The following ZNF536 variants were observed in gnomAD, a reference collection of about 807,000 sequenced individuals.
The protein encoded by ZNF536 is zinc finger protein 536.
ZNF536 carries 13 observed loss-of-function variants against 84.5 expected under a neutral mutation model. That is an observed-to-expected ratio of 0.15 (90% CI 0.10 to 0.24). ZNF536 has a LOEUF of 0.24. ZNF536 is among the 10% of genes least tolerant of loss of function. The pLI is 1.00. For missense variants in ZNF536, 1,536 were observed against 1,747.5 expected (o/e 0.88, Z 2.16); for synonymous variants, 811 against 742.5 (o/e 1.09, Z -1.50).
In ZNF536 at chr19:30,444,687, C is replaced by T. The variant is rs534735196; in HGVS notation, c.1125C>T (p.Cys375=). ...ACAAAGACTCCTTTGAGCACTGCTG[C>T]CAGATCTGCGGCCGGCGCTTCAAGG... is the stretch of plus-strand genomic sequence containing the variant. ...RKHKDSFEHC[C]QICGRRFKEP... is the part of the protein sequence containing the mutation. The change falls in exon 2 of 5, where the codon TGC becomes TGT. Residue 375 remains cysteine, a synonymous_variant. Transcript: ENST00000355537. 2 of 1,613,954 alleles carry T rather than the reference C, an allele frequency of 1.2e-6. No individual in the cohort carries two copies. Among genetic ancestry groups the T allele is most frequent in the African/African-American group, 1.3e-5 (1 of 75,080 alleles).
At chr19:30,300,780 C>T (rs976217415) in intron 2 of ZNF536, 7 of 152,302 alleles carry the variant, frequency 4.6e-5, no homozygotes, top group Admixed American at 6.5e-5. Flanking sequence ...CCCAGGTACC[C>T]GGCAGGATGA....
intron 1 of ZNF536, chr19:30,668,771 CG>C (rs2050429646): frequency 6.6e-6 from 1 of 152,268 alleles, no homozygotes; most frequent in Non-Finnish European, 1.5e-5. Flanking sequence ...GTGGAAAAGT[CG>C]TTTGTTGCTG....
chr19:30,538,208 A>C (rs983103932), intron 3 of ZNF536, among the ~76,000 whole-genome samples: 1 of 152,204 alleles, frequency 6.6e-6, no homozygotes, highest in African/African-American at 2.4e-5. Flanking sequence ...TTTCTAAATG[A>C]CATGGCCAGA....
At chr19:30,673,964 C>T (rs1465354105) in intron 1 of ZNF536, among the ~76,000 whole-genome samples, 1 of 152,202 alleles carries the variant, frequency 6.6e-6, no homozygotes, top group Non-Finnish European at 1.5e-5. Flanking sequence ...AGCTTCATCT[C>T]CGCACTTGGG....
chr19:30,463,391 CT>C (rs1209013185), intron 2 of ZNF536, among the ~76,000 whole-genome samples: 2 of 152,168 alleles, frequency 1.3e-5, no homozygotes, highest in Non-Finnish European at 2.9e-5. Flanking sequence ...AAAGCCCTGC[CT>C]TCCAGTATGC....
chr19:30,283,432 T>A (rs2045521639), intron 1 of ZNF536, among the ~76,000 whole-genome samples: 1 of 152,220 alleles, frequency 6.6e-6, no homozygotes, highest in African/African-American at 2.4e-5. Flanking sequence ...ATCACCCATG[T>A]GGGACTTACA....
At chr19:30,460,443 C>T (rs1338059650) in intron 2 of ZNF536, among the ~76,000 whole-genome samples, 1 of 152,146 alleles carries the variant, frequency 6.6e-6, no homozygotes, top group Non-Finnish European at 1.5e-5. Context: ...TCCTGGCCTC[C>T]CTGAGCAAGG....
chr19:30,580,752 C>A (rs1229725006), intron 1 of ZNF536, among the ~76,000 whole-genome samples: 2 of 152,206 alleles, frequency 1.3e-5, no homozygotes, highest in East Asian at 1.9e-4. Flanking sequence ...TCTTTTCTTC[C>A]TCCCCTTTGG....
intron 1 of ZNF536, among the ~76,000 whole-genome samples, chr19:30,597,692 AGC>A (rs1341296584): frequency 1.3e-5 from 2 of 152,236 alleles, no homozygotes; most frequent in East Asian, 3.8e-4. Context: ...ATACACAGTA[AGC>A]GCTCAGTAAT....
chr19:30,236,612 A>G (rs1014753622), intron 1 of ZNF536, among the ~76,000 whole-genome samples: 9 of 152,158 alleles, frequency 5.9e-5, no homozygotes, highest in African/African-American at 1.9e-4. Context: ...ACAAGATAAC[A>G]TGAACATTTC....
intron 2 of ZNF536, among the ~76,000 whole-genome samples, chr19:30,503,642 A>G (rs1431556600): frequency 6.6e-6 from 1 of 152,254 alleles, no homozygotes; most frequent in Non-Finnish European, 1.5e-5. Flanking sequence ...GTGCCTCATC[A>G]TCCCCTTGCA....
At chr19:30,521,252 T>C (rs959625428) in intron 2 of ZNF536, among the ~76,000 whole-genome samples, 5 of 152,170 alleles carry the variant, frequency 3.3e-5, no homozygotes, top group Non-Finnish European at 7.3e-5. Context: ...TGTCTCCCTG[T>C]GTTGAGGAGG....
At chr19:30,521,164 C>A (rs1363615879) in intron 2 of ZNF536, among the ~76,000 whole-genome samples, 4 of 152,262 alleles carry the variant, frequency 2.6e-5, no homozygotes, top group Non-Finnish European at 5.9e-5. Context: ...TCAGACTTGG[C>A]TCCCGGAGTC....
chr19:30,701,059 G>A (rs1244917212), intron 1 of ZNF536, among the ~76,000 whole-genome samples: 2 of 152,128 alleles, frequency 1.3e-5, no homozygotes, highest in African/African-American at 2.4e-5. Flanking sequence ...GATGCAGGAC[G>A]CCCTTCTGCA....
At chr19:30,333,803 A>C (rs988658200) in intron 2 of ZNF536, among the ~76,000 whole-genome samples, 1 of 152,194 alleles carries the variant, frequency 6.6e-6, no homozygotes, top group African/African-American at 2.4e-5. Flanking sequence ...CTGTGTTGAC[A>C]CATCTATTCT....
intron 1 of ZNF536, among the ~76,000 whole-genome samples, chr19:30,568,333 G>A (rs570043177): frequency 4.4e-4 from 67 of 152,162 alleles, no homozygotes; most frequent in Non-Finnish European, 9.1e-4. Flanking sequence ...TCCACCTCAC[G>A]AGACCTTGGA....
At chr19:30,658,810 C>G (rs2050014551) in intron 1 of ZNF536, among the ~76,000 whole-genome samples, 1 of 152,186 alleles carries the variant, frequency 6.6e-6, no homozygotes, top group Non-Finnish European at 1.5e-5. Context: ...CCTTCACGGA[C>G]TACAGTGACC....
At chr19:30,432,936 G>T (rs1023388784) in intron 1 of ZNF536, among the ~76,000 whole-genome samples, 4 of 152,144 alleles carry the variant, frequency 2.6e-5, no homozygotes, top group Non-Finnish European at 5.9e-5. Flanking sequence ...CTGGTAGAAG[G>T]ATGGATGAGG....
chr19:30,270,340 T>A (rs1314823439), intron 1 of ZNF536, among the ~76,000 whole-genome samples: 2 of 152,234 alleles, frequency 1.3e-5, no homozygotes. Flanking sequence ...ATGTCTGTCA[T>A]CCTTCTATTA....
Sources: gnomAD v4.1 joint callset for allele counts (sites outside exome capture counted in the v4.1 genomes callset) on GRCh38, gnomAD v4.1.1 for gene constraint, MANE v1.5 for transcripts, NCBI Gene and HGNC (gene_info 2026-07-23, HGNC 2026-07-21) for gene names.